Variants in ABI3BP observed in about 807,000 individuals in gnomAD.
The protein encoded by ABI3BP is ABI family member 3 binding protein, also known as target of Nesh-SH3.
Under a neutral mutation model 268.6 loss-of-function variants are expected in ABI3BP, and 216 were observed. The ratio of observed to expected loss-of-function variants is 0.80; its 90% CI spans 0.72 to 0.90. ABI3BP has a LOEUF of 0.90. Ranked by LOEUF, ABI3BP falls within the 40% of genes least tolerant of loss-of-function variation. The probability of loss-of-function intolerance (pLI) is 0.00; values close to 1 mark genes in which losing one functional copy is unlikely to be tolerated. For synonymous variants in ABI3BP, 730 were observed against 730.0 expected (o/e 1.00, Z 0.00); for missense variants, 2,090 against 2,182.4 (o/e 0.96, Z 0.84).
chr3:100,863,894 C>T, intron 12 of ABI3BP, 108 bp downstream of exon 12: 2 of 850,368 alleles, frequency 2.4e-6, no homozygotes, highest in Non-Finnish European at 3.8e-6. Flanking sequence ...ACTGTGTCAC[C>T]TTTAAGGGAT....
At position 100,993,178 on chromosome 3, in the gene ABI3BP, G is replaced by A. The variant is rs761177028; in HGVS notation, c.79+128C>T. The A allele has an allele frequency of 1.5e-3, 980 of 646,682 alleles. 6 individuals are homozygous for A. Among genetic ancestry groups the A allele is most frequent in the Non-Finnish European group, 1.2e-3 (474 of 393,434 alleles). The allele number at this position is 646,682 out of a possible 1,614,324, so 40.1% of individuals were successfully genotyped here. A position where few individuals can be genotyped will look rare whatever the true frequency, so the allele number is the denominator to read the frequency against. Reference sequence around the variant, plus strand: ...GTTTAAGAGACCCCTTCACACATTTGAACTTTGAATCTCTGCAGAATAACT... The same window carrying A: ...GTTTAAGAGACCCCTTCACACATTTAAACTTTGAATCTCTGCAGAATAACT... On this transcript the variant is annotated intron_variant, in intron 1 of 67. Coordinates refer to ENST00000471714, the MANE Select transcript of ABI3BP (RefSeq NM_001375547.2).
At chr3:100,814,774 C>T (rs1026154897) in intron 44 of ABI3BP, among the ~76,000 whole-genome samples, 1 of 152,054 alleles carries the variant, frequency 6.6e-6, no homozygotes, top group Non-Finnish European at 1.5e-5. Context: ...AGTAGCAGCA[C>T]CATTGAGAAA....
chr3:100,920,869 C>G (rs190380211), intron 2 of ABI3BP, among the ~76,000 whole-genome samples: 1 of 152,224 alleles, frequency 6.6e-6, no homozygotes, highest in East Asian at 1.9e-4. Flanking sequence ...GAATTTGAAC[C>G]CAGGTCTGTC....
chr3:100,811,401 A>G (rs2097858207), intron 47 of ABI3BP, 124 bp from the exon 48 acceptor site: 1 of 716,042 alleles, frequency 1.4e-6, no homozygotes, highest in Non-Finnish European at 2.2e-6. Context: ...ATGGATTTAG[A>G]CAGGAAAAAA....
At chr3:100,934,870 G>C (rs1466890071) in intron 1 of ABI3BP, among the ~76,000 whole-genome samples, 1 of 152,160 alleles carries the variant, frequency 6.6e-6, no homozygotes, top group Non-Finnish European at 1.5e-5. Context: ...GTAGATTCTG[G>C]ATATTAACCC....
chr3:100,912,012 T>C, intron 2 of ABI3BP: 1 of 770,340 alleles, frequency 1.3e-6, no homozygotes, highest in Non-Finnish European at 2.4e-6. Flanking sequence ...GAATGTCAAT[T>C]GTATAAACAA....
At chr3:100,866,989 C>T in intron 9 of ABI3BP, 33 bp from the exon 10 acceptor site, 1 of 1,567,704 alleles carries the variant, frequency 6.4e-7, no homozygotes, top group Non-Finnish European at 8.8e-7. Flanking sequence ...ATTTATCTCA[C>T]TTGCAGTGTC....
Position 100,828,534 on chromosome 3 carries a change from G to A in ABI3BP, c.2543-82C>T, listed in dbSNP as rs73135573. 1.5e-5 allele frequency: 19 copies of A among 1,284,844 alleles called. No homozygotes were observed. In the South Asian group the frequency reaches 1.6e-4, roughly 11 times the overall value. The allele number at this position is 1,284,844 out of a possible 1,614,324, so 79.6% of individuals were successfully genotyped here. A position where few individuals can be genotyped will look rare whatever the true frequency, so the allele number is the denominator to read the frequency against. On this transcript the variant is annotated intron_variant, in intron 33 of 67. Transcript: ENST00000471714. ...TCAGAACATTCAAAAAGAATTTTAC[G>A]AGGTCATGACATATCTGTCCAGAGC...
At chr3:100,829,311 A>G (rs2098444046) in intron 33 of ABI3BP, among the ~76,000 whole-genome samples, 1 of 152,132 alleles carries the variant, frequency 6.6e-6, no homozygotes, top group Non-Finnish European at 1.5e-5. Context: ...ATAATCTCCC[A>G]CTTGCATGAA....
intron 8 of ABI3BP, 125 bp downstream of exon 8, chr3:100,875,383 A>G: frequency 1.4e-6 from 1 of 716,360 alleles, no homozygotes; most frequent in East Asian, 2.6e-5. Context: ...GATGCTAAAC[A>G]GTGAAAGGAA....
chr3:100,951,282 G>C (rs771279549), intron 1 of ABI3BP, among the ~76,000 whole-genome samples: 5 of 151,698 alleles, frequency 3.3e-5, no homozygotes, highest in Non-Finnish European at 5.9e-5. Context: ...CCTACATCTT[G>C]ATTTTACTCT....
chr3:100,783,116 A>G (rs186223830), intron 57 of ABI3BP, among the ~76,000 whole-genome samples: 34 of 152,370 alleles, frequency 2.2e-4, no homozygotes, highest in Non-Finnish European at 3.7e-4. Flanking sequence ...ATCGGTTCTT[A>G]AATGTACCAG....
At chr3:100,763,495 A>G (rs2096094889) in intron 63 of ABI3BP, among the ~76,000 whole-genome samples, 1 of 151,910 alleles carries the variant, frequency 6.6e-6, no homozygotes, top group Admixed American at 6.6e-5. Flanking sequence ...GAAAAAATCT[A>G]GACAGGCACT....
At chr3:100,991,013 T>C (rs1435320815) in intron 1 of ABI3BP, among the ~76,000 whole-genome samples, 3 of 152,246 alleles carry the variant, frequency 2.0e-5, no homozygotes, top group African/African-American at 7.2e-5. Flanking sequence ...ATTTATTGTA[T>C]AAATCTGTTA....
At chr3:100,798,186 T>A (rs1480726561) in intron 51 of ABI3BP, among the ~76,000 whole-genome samples, 1 of 152,168 alleles carries the variant, frequency 6.6e-6, no homozygotes. Flanking sequence ...CTGCTCTAGT[T>A]TACTGAGGAA....
At chr3:100,862,930 A>C (rs2099013446) in intron 12 of ABI3BP, 21 bp from the exon 13 acceptor site, 1 of 1,518,034 alleles carries the variant, frequency 6.6e-7, no homozygotes, top group South Asian at 1.2e-5. Context: ...ACACATAAAG[A>C]AAGTTACGAC....
At chr3:100,976,801 C>T (rs76394280) in intron 1 of ABI3BP, among the ~76,000 whole-genome samples, 3,655 of 152,232 alleles carry the variant, frequency 0.024, 146 homozygotes, top group African/African-American at 0.083. Context: ...GGGCAGATCT[C>T]AGATCTGGCT....
chr3:100,807,339 G>T (rs2097741258), intron 50 of ABI3BP, among the ~76,000 whole-genome samples: 1 of 151,688 alleles, frequency 6.6e-6, no homozygotes, highest in Non-Finnish European at 1.5e-5. Context: ...TGTTTCAAAT[G>T]TATTATTATT....
At chr3:100,816,501 G>T (rs2098050608) in intron 43 of ABI3BP, 187 bp downstream of exon 43, 2 of 670,790 alleles carry the variant, frequency 3.0e-6, no homozygotes, top group East Asian at 5.5e-5. Flanking sequence ...CACACAAGTG[G>T]CTCCAAGCCA....
Sources: allele counts gnomAD v4.1 joint callset (sites outside exome capture counted in the v4.1 genomes callset), GRCh38; gene constraint gnomAD v4.1.1; transcripts MANE v1.5; gene names NCBI Gene and HGNC (gene_info 2026-07-23, HGNC 2026-07-21).